CALCRL: variants seen among roughly 807,000 people sequenced by gnomAD.
The protein encoded by CALCRL is calcitonin receptor like receptor.
CALCRL carries 27 observed loss-of-function variants against 60.4 expected under a neutral mutation model. The observed-to-expected ratio is 0.45, with a 90% CI of 0.33 to 0.62. CALCRL has a LOEUF of 0.62. CALCRL is among the 20% of genes least tolerant of loss of function. The probability of loss-of-function intolerance (pLI) is 0.03; values close to 1 mark genes in which losing one functional copy is unlikely to be tolerated. For synonymous variants in CALCRL, 190 were observed against 182.6 expected (o/e 1.04, Z -0.33); for missense variants, 424 against 540.7 (o/e 0.78, Z 2.14).
chr2:187,349,348 A>T (rs1304372413), intron 14 of CALCRL, among the ~76,000 whole-genome samples: 1 of 151,664 alleles, frequency 6.6e-6, no homozygotes, highest in Admixed American at 6.6e-5. Flanking sequence ...GGTGGGAAAG[A>T]AAAAAACACA....
At chr2:187,396,229 T>G (rs1688648143) in intron 1 of CALCRL, among the ~76,000 whole-genome samples, 1 of 151,854 alleles carries the variant, frequency 6.6e-6, no homozygotes, top group Non-Finnish European at 1.5e-5. Context: ...TCTCACCTCT[T>G]CATATACTGC....
chr2:187,379,725 T>C (rs1687910886), intron 7 of CALCRL, among the ~76,000 whole-genome samples: 1 of 152,168 alleles, frequency 6.6e-6, no homozygotes, highest in South Asian at 2.1e-4. Flanking sequence ...TTTAAGTATT[T>C]CCCTTGTGTT....
chr2:187,373,428 C>G (rs560341025), intron 8 of CALCRL, among the ~76,000 whole-genome samples: 1 of 152,212 alleles, frequency 6.6e-6, no homozygotes, highest in South Asian at 2.1e-4. Context: ...ATAGTTTTTT[C>G]TAACATAATT....
intron 7 of CALCRL, among the ~76,000 whole-genome samples, chr2:187,379,311 G>A (rs1424852438): frequency 1.3e-5 from 2 of 151,574 alleles, no homozygotes; most frequent in Non-Finnish European, 2.9e-5. Context: ...AAATCTATGA[G>A]GCAAAACTTT....
At chr2:187,390,412 T>C (rs1015704624) in intron 1 of CALCRL, among the ~76,000 whole-genome samples, 1 of 152,146 alleles carries the variant, frequency 6.6e-6, no homozygotes, top group African/African-American at 2.4e-5. Context: ...TGAGTCAGGA[T>C]TAAATTACCT....
At position 187,359,135 on chromosome 2, in the gene CALCRL, G is replaced by T; in HGVS notation, c.843-6C>A. ...TATCAGAACTGATCCAGCAACTAGA[G>T]AAAACATAATAACATTATGTTGAAA... On this transcript the variant is annotated splice_region_variant and splice_polypyrimidine_tract_variant and intron_variant, in intron 11 of 14. Transcript: ENST00000392370. 1 of 1,610,940 alleles carries T rather than the reference G, an allele frequency of 6.2e-7. No individual in the cohort carries two copies. Among genetic ancestry groups the T allele is most frequent in the Non-Finnish European group, 8.5e-7 (1 of 1,177,442 alleles).
intron 1 of CALCRL, among the ~76,000 whole-genome samples, chr2:187,419,088 T>C (rs1689756708): frequency 6.9e-6 from 1 of 145,104 alleles, no homozygotes; most frequent in African/African-American, 2.6e-5. Flanking sequence ...TTGGCCAGGA[T>C]GGTCTCAATC....
chr2:187,405,961 GT>G (rs1215796177), intron 1 of CALCRL, among the ~76,000 whole-genome samples: 27 of 1,392 alleles, frequency 0.019, no homozygotes, highest in Non-Finnish European at 0.059. Context: ...GTATGTAGGG[GT>G]GTGTGTGTGT....
intron 1 of CALCRL, among the ~76,000 whole-genome samples, chr2:187,443,860 C>A (rs927228885): frequency 4.6e-5 from 7 of 151,766 alleles, no homozygotes; most frequent in Non-Finnish European, 8.9e-5. Flanking sequence ...AATTGAGGTG[C>A]ATATGCAAAA....
At chr2:187,433,425 A>T (rs1048792922) in intron 1 of CALCRL, among the ~76,000 whole-genome samples, 1 of 152,118 alleles carries the variant, frequency 6.6e-6, no homozygotes, top group African/African-American at 2.4e-5. Context: ...ATAAAATTAC[A>T]ATGTATGTGT....
At chr2:187,356,454 T>C (rs1686792412) in intron 12 of CALCRL, among the ~76,000 whole-genome samples, 1 of 152,180 alleles carries the variant, frequency 6.6e-6, no homozygotes, top group South Asian at 2.1e-4. Flanking sequence ...GCTAGCCATA[T>C]GTAGAAAACT....
intron 9 of CALCRL, among the ~76,000 whole-genome samples, chr2:187,362,580 A>ACACACG (rs10678764): frequency 6.6e-6 from 1 of 151,792 alleles, no homozygotes; most frequent in East Asian, 1.9e-4. Flanking sequence ...ATATAGACAC[A>ACACACG]CACACACACA....
intron 1 of CALCRL, among the ~76,000 whole-genome samples, chr2:187,425,225 C>T (rs1040224553): frequency 6.6e-6 from 1 of 151,864 alleles, no homozygotes; most frequent in African/African-American, 2.4e-5. Flanking sequence ...TTTATGACAA[C>T]ATAAATGTTG....
intron 10 of CALCRL, 93 bp downstream of exon 10, chr2:187,360,505 A>G (rs1687008106): frequency 3.9e-6 from 4 of 1,023,830 alleles, no homozygotes; most frequent in Non-Finnish European, 5.6e-6. Flanking sequence ...AAAAATGATT[A>G]CTCATTGGTA....
At chr2:187,373,821 C>A (rs774538489) in intron 8 of CALCRL, among the ~76,000 whole-genome samples, 3 of 152,048 alleles carry the variant, frequency 2.0e-5, no homozygotes, top group Admixed American at 6.6e-5. Flanking sequence ...CGCTACACAG[C>A]AAGTAAGTGA....
At chr2:187,380,408 C>G in intron 7 of CALCRL, 59 bp downstream of exon 7, 1 of 931,494 alleles carries the variant, frequency 1.1e-6, no homozygotes, top group South Asian at 1.4e-5. Flanking sequence ...CAGTATTGGA[C>G]AAAGGAGCTG....
At chr2:187,357,742 A>G (rs13431269) in intron 12 of CALCRL, among the ~76,000 whole-genome samples, 131,084 of 150,760 alleles carry the variant, frequency 0.87, 57,214 homozygotes, top group African/African-American at 0.91. Context: ...ACATGTATAC[A>G]TATGTAACTA....
At chr2:187,398,899 C>A (rs1688766016) in intron 1 of CALCRL, among the ~76,000 whole-genome samples, 2 of 151,598 alleles carry the variant, frequency 1.3e-5, no homozygotes, top group Non-Finnish European at 1.5e-5. Context: ...AACATTAGAG[C>A]CCTTTAATTT....
Position 187,363,519 on chromosome 2 carries a change from AC to A in CALCRL, c.501-18del. The A allele has an allele frequency of 1.9e-6, 3 of 1,584,206 alleles. No homozygotes were observed. The highest frequency in any genetic ancestry group is 2.6e-6 in the Non-Finnish European group (3 of 1,166,822). On this transcript the variant is annotated intron_variant, in intron 8 of 14. Transcript: ENST00000392370. ...CTTAGGCTCCTAAAAAGCAAGAAAA[AC>A]AAGTGTGTTGACATCATGAAATGTT...
Sources: allele counts gnomAD v4.1 joint callset (sites outside exome capture counted in the v4.1 genomes callset), GRCh38; gene constraint gnomAD v4.1.1; transcripts MANE v1.5; gene names NCBI Gene and HGNC (gene_info 2026-07-23, HGNC 2026-07-21).